Variants in ETAA1 observed in about 807,000 individuals in gnomAD.
ETAA1 encodes ETAA1 activator of ATR kinase.
Under a neutral mutation model 76.8 loss-of-function variants are expected in ETAA1, and 49 were observed. The ratio of observed to expected loss-of-function variants is 0.64; its 90% CI spans 0.51 to 0.81. The LOEUF (loss-of-function observed/expected upper bound fraction) is 0.81. ETAA1 is among the 30% of genes least tolerant of loss of function. The pLI is 0.00. For synonymous variants in ETAA1, 373 were observed against 372.2 expected (o/e 1.00, Z -0.03); for missense variants, 1,099 against 1,074.0 (o/e 1.02, Z -0.32).
At chr2:67,409,679 CTG>C (rs1274984279) in intron 5 of ETAA1, among the ~76,000 whole-genome samples, 1 of 151,832 alleles carries the variant, frequency 6.6e-6, no homozygotes, top group African/African-American at 2.4e-5. Flanking sequence ...TTTTATCACA[CTG>C]TGAAAAGAAT....
At chr2:67,405,864 T>C (rs1386762779) in intron 5 of ETAA1, among the ~76,000 whole-genome samples, 1 of 152,126 alleles carries the variant, frequency 6.6e-6, no homozygotes, top group Non-Finnish European at 1.5e-5. Context: ...CTATCATTTC[T>C]GATTCTTCCA....
intron 3 of ETAA1, among the ~76,000 whole-genome samples, chr2:67,400,161 T>G (rs778097442): frequency 9.2e-5 from 14 of 152,218 alleles, no homozygotes; most frequent in Non-Finnish European, 2.1e-4. Context: ...TCCCACCACT[T>G]CAGTTCATTC....
chr2:67,403,643 G>A lies in ETAA1; in HGVS notation c.961G>A (p.Glu321Lys). ...TTFVKTNALK[E>K]EKIITNETLV... ...CTTTGTAAAGACAAATGCTTTGAAA[G>A]AGGAGAAAATCATTACTAATGAAAC... is the stretch of plus-strand genomic sequence containing the variant. Residue 321 changes from glutamate to lysine, a missense_variant, in exon 5 of 6, where the codon GAG becomes AAG. Coordinates refer to ENST00000272342, the MANE Select transcript of ETAA1 (RefSeq NM_019002.4). 4 of 1,613,350 alleles carry A rather than the reference G, an allele frequency of 2.5e-6. No homozygotes were observed. The highest frequency in any genetic ancestry group is 3.4e-6 in the Non-Finnish European group (4 of 1,179,436).
At position 67,412,075 on chromosome 2, in the gene ETAA1, C is replaced by G. The variant is rs968869550; in HGVS notation, c.*2037C>G. ...CTTTCATTGAGCAATACTATAATGC[C>G]TTTATGTGTTGTTTAGTTGTATAAA... is the stretch of plus-strand genomic sequence containing the variant. On this transcript the variant is annotated 3_prime_UTR_variant, in exon 6 of 6. Coordinates refer to ENST00000272342, the MANE Select transcript of ETAA1 (RefSeq NM_019002.4). The G allele has an allele frequency of 6.6e-6, 1 of 151,798 alleles. No homozygotes were observed. The highest frequency in any genetic ancestry group is 1.5e-5 in the Non-Finnish European group (1 of 67,946). The allele number at this position is 151,798 out of a possible 1,614,324, so 9.4% of individuals were successfully genotyped here. A position where few individuals can be genotyped will look rare whatever the true frequency, so the allele number is the denominator to read the frequency against.
rs1003364138 is a variant in ETAA1, at chr2:67,403,236, A to G, written c.554A>G (p.Gln185Arg). Residue 185 changes from glutamine to arginine, a missense_variant, in exon 5 of 6, where the codon CAA becomes CGA. By Grantham distance (43) the Gln-to-Arg change is conservative. Coordinates refer to ENST00000272342, the MANE Select transcript of ETAA1 (RefSeq NM_019002.4). ...AKISCTKLKT[Q>R]SQEEELMKLA... ...ATCTTGTTTAATAGGTTAAAAACAC[A>G]AAGTCAAGAAGAAGAACTTATGAAA... 10 of 1,555,200 alleles carry G rather than the reference A, an allele frequency of 6.4e-6. No homozygotes were observed. In the East Asian group the frequency reaches 1.6e-4, roughly 24 times the overall value.
In ETAA1 at chr2:67,407,414, T is replaced by C. The variant is rs1676249927; in HGVS notation, c.2653+2079T>C. Reference sequence around the variant, plus strand: ...AGCCCAAACTAGATATTTTGAAATATTAAAAATTGTTCTCAATCTATAATA... The same window carrying C: ...AGCCCAAACTAGATATTTTGAAATACTAAAAATTGTTCTCAATCTATAATA... On this transcript the variant is annotated intron_variant, in intron 5 of 5. Transcript: ENST00000272342. Among the ~76,000 whole-genome samples the C allele has an allele frequency of 2.0e-5, 3 of 152,192 alleles. No individual in the cohort carries two copies. In the South Asian group the frequency reaches 6.2e-4, roughly 32 times the overall value.
chr2:67,407,403 A>G (rs1676249782), intron 5 of ETAA1, among the ~76,000 whole-genome samples: 1 of 152,138 alleles, frequency 6.6e-6, no homozygotes, highest in South Asian at 2.1e-4. Flanking sequence ...CAAACTAGAT[A>G]TTTTGAAATA....
At chr2:67,407,025 T>G (rs891367822) in intron 5 of ETAA1, among the ~76,000 whole-genome samples, 2 of 152,128 alleles carry the variant, frequency 1.3e-5, no homozygotes, top group Non-Finnish European at 2.9e-5. Context: ...TAATTGTATC[T>G]GTTAATTCCT....
Position 67,404,747 on chromosome 2 carries a change from T to C in ETAA1, c.2065T>C (p.Leu689=), listed in dbSNP as rs1037529835. 1.9e-6 allele frequency: 3 copies of C among 1,613,280 alleles called. No individual in the cohort carries two copies. The highest frequency in any genetic ancestry group is 2.7e-5 in the African/African-American group (2 of 74,892). Residue 689 remains leucine, a synonymous_variant, in exon 5 of 6, where the codon TTG becomes CTG. Coordinates refer to ENST00000272342, the MANE Select transcript of ETAA1 (RefSeq NM_019002.4). ...MFAISKQGSN[L]VQSKHLNPGS... Reference sequence around the variant, plus strand: ...TGCTATATCTAAACAAGGAAGTAATTTGGTACAATCAAAGCATTTGAATCC... The same window carrying C: ...TGCTATATCTAAACAAGGAAGTAATCTGGTACAATCAAAGCATTTGAATCC...
intron 2 of ETAA1, 73 bp from the exon 3 acceptor site, chr2:67,399,477 A>C: frequency 1.6e-6 from 2 of 1,262,606 alleles, no homozygotes. Flanking sequence ...ATTACTTTCT[A>C]AGAAGTGACA....
In ETAA1 at chr2:67,411,091, T is replaced by G. The variant is rs541441892; in HGVS notation, c.*1053T>G. 6.6e-6 allele frequency: 1 copy of G among 152,208 alleles called. No individual in the cohort carries two copies. Among genetic ancestry groups the G allele is most frequent in the East Asian group, 1.9e-4 (1 of 5,186 alleles). 9.4% of individuals were successfully genotyped at this position (152,208 alleles called of 1,614,324 possible). On this transcript the variant is annotated 3_prime_UTR_variant, in exon 6 of 6. Coordinates refer to ENST00000272342, the MANE Select transcript of ETAA1 (RefSeq NM_019002.4). ...TTAATTTACTTAGTTGACTCATCTT[T>G]TCTTCTCTATTACTGTTTTGTTTTT...
At chr2:67,406,685 A>G (rs138792001) in intron 5 of ETAA1, among the ~76,000 whole-genome samples, 2 of 152,112 alleles carry the variant, frequency 1.3e-5, no homozygotes, top group African/African-American at 4.8e-5. Context: ...ATGATGTAGC[A>G]TTTTCTATGA....
At position 67,397,527 on chromosome 2, in the gene ETAA1, G is replaced by A. The variant is rs866918651; in HGVS notation, c.79G>A (p.Gly27Ser). ...PHKTVAAEEC[G>S]SVVEPGRRRL... ...CAAAACAGTGGCGGCGGAGGAATGCGGCTCGGTGGTCGAGCCAGGGAGGAG... is the reference window on the plus strand; with the variant it reads ...CAAAACAGTGGCGGCGGAGGAATGCAGCTCGGTGGTCGAGCCAGGGAGGAG... Residue 27 changes from glycine to serine, a missense_variant, in exon 1 of 6, where the codon GGC becomes AGC. Gly to Ser is a moderately conservative substitution (Grantham distance 56, BLOSUM62 0). Around this residue, in one of 3 missense-constraint regions of ETAA1, gnomAD observed 761 missense variants for 731.9 expected, o/e 1.04. Coordinates refer to ENST00000272342, the MANE Select transcript of ETAA1 (RefSeq NM_019002.4). 6.3e-7 allele frequency: 1 copy of A among 1,591,136 alleles called. No individual in the cohort carries two copies. Among genetic ancestry groups the A allele is most frequent in the Non-Finnish European group, 8.6e-7 (1 of 1,168,958 alleles).
chr2:67,401,438 T>C (rs185981533), intron 3 of ETAA1: 2 of 152,108 alleles, frequency 1.3e-5, no homozygotes, highest in East Asian at 3.9e-4. Flanking sequence ...TTTTATACAA[T>C]GTTGTTTATT....
At chr2:67,398,014 G>A (rs993748740) in intron 1 of ETAA1, among the ~76,000 whole-genome samples, 3 of 152,192 alleles carry the variant, frequency 2.0e-5, no homozygotes, top group African/African-American at 7.2e-5. Flanking sequence ...GCTAACCTCA[G>A]TTTTTGCCCG....
rs986984607 is a variant in ETAA1, at chr2:67,404,578, A to G, written c.1896A>G (p.Thr632=). The G allele has an allele frequency of 6.2e-7, 1 of 1,613,464 alleles. No homozygotes were observed. Among genetic ancestry groups the G allele is most frequent in the Non-Finnish European group, 8.5e-7 (1 of 1,179,554 alleles). ...AAGACATTAGAAAGGACAGTAAGACATCAGAAAGTATATGTGAGATCAATA... is the reference window on the plus strand; with the variant it reads ...AAGACATTAGAAAGGACAGTAAGACGTCAGAAAGTATATGTGAGATCAATA... ...QQQDIRKDSK[T]SESICEINNN... The change falls in exon 5 of 6, where the codon ACA becomes ACG. Residue 632 remains threonine, a synonymous_variant. Transcript: ENST00000272342.
rs767071826 is a variant in ETAA1, at chr2:67,404,199, TAAAG to T, written c.1518_1521del (p.Ile506MetfsTer18). ...ATAGTTACATCTAATCTGACAAAAA[TAAAG>T]GAAGATATTCTTACTAACTCTACTG... On this transcript the variant is annotated frameshift_variant, in exon 5 of 6. Transcript: ENST00000272342. LOFTEE classifies it high-confidence loss of function. The T allele has an allele frequency of 6.2e-7, 1 of 1,610,636 alleles. No individual in the cohort carries two copies.
rs1676350258 is a variant in ETAA1, at chr2:67,410,726, T to G, written c.*688T>G. Reference sequence around the variant, plus strand: ...ATTAACATTTAGAACTGGCAGAAACTTCATATGTCATCTGGTCCAGCTTCC... The same window carrying G: ...ATTAACATTTAGAACTGGCAGAAACGTCATATGTCATCTGGTCCAGCTTCC... On this transcript the variant is annotated 3_prime_UTR_variant, in exon 6 of 6. Coordinates refer to ENST00000272342, the MANE Select transcript of ETAA1 (RefSeq NM_019002.4). 6.6e-6 allele frequency: 1 copy of G among 152,054 alleles called. No individual in the cohort carries two copies. The highest frequency in any genetic ancestry group is 2.4e-5 in the African/African-American group (1 of 41,434). The allele number at this position is 152,054 out of a possible 1,614,324, so 9.4% of individuals were successfully genotyped here.
In ETAA1 at chr2:67,405,249, A is replaced by G. The variant is rs201898268; in HGVS notation, c.2567A>G (p.Lys856Arg). 4.7e-4 allele frequency: 752 copies of G among 1,611,590 alleles called. 4 individuals are homozygous for G. The highest frequency in any genetic ancestry group is 5.3e-5 in the Non-Finnish European group (62 of 1,178,834). The change falls in exon 5 of 6, where the codon AAG becomes AGG. Residue 856 changes from lysine to arginine, a missense_variant. Coordinates refer to ENST00000272342, the MANE Select transcript of ETAA1 (RefSeq NM_019002.4). ...AAAATTACACAGGGTGTGGAGAAAA[A>G]GAAAGGTGTCAACCCATTACTGGAG... ...DTKITQGVEK[K>R]KGVNPLLEEA...
Sources: allele counts gnomAD v4.1 joint callset (sites outside exome capture counted in the v4.1 genomes callset), GRCh38; gene constraint gnomAD v4.1.1; regional missense constraint gnomAD v4.1.1; transcripts MANE v1.5; gene names NCBI Gene and HGNC (gene_info 2026-07-23, HGNC 2026-07-21).